Variants in AFG2A observed in about 807,000 individuals in gnomAD.
The protein encoded by AFG2A is AAA ATPase AFG2A, also known as ATPase family gene 2 protein homolog A.
the AFG2A span, among the ~76,000 whole-genome samples, chr4:122,936,837 A>G: frequency 6.6e-6 from 1 of 151,982 alleles, no homozygotes; most frequent in Admixed American, 6.6e-5. Flanking sequence ...AAAATTAGCC[A>G]GGTGTGGTGG....
chr4:123,069,294 C>G, the AFG2A span, among the ~76,000 whole-genome samples: 1 of 152,154 alleles, frequency 6.6e-6, no homozygotes, highest in Non-Finnish European at 1.5e-5. Flanking sequence ...TTCAGTCACA[C>G]TTATTTTATT....
At chr4:123,028,454 C>A in the AFG2A span, 1 of 1,403,706 alleles carries the variant, frequency 7.1e-7, no homozygotes, top group South Asian at 1.2e-5. Flanking sequence ...CCCCCATTCT[C>A]TGACTCCTAC....
At chr4:123,007,911 T>G in the AFG2A span, among the ~76,000 whole-genome samples, 4 of 151,842 alleles carry the variant, frequency 2.6e-5, no homozygotes, top group Non-Finnish European at 5.9e-5. Context: ...TTCTCAAGGG[T>G]CATTGTCTTT....
chr4:123,229,622 G>A, the AFG2A span, among the ~76,000 whole-genome samples: 1 of 151,910 alleles, frequency 6.6e-6, no homozygotes, highest in South Asian at 2.1e-4. Flanking sequence ...TACAAAATTT[G>A]GCAATTTTGG....
the AFG2A span, chr4:123,318,981 A>G: frequency 6.6e-6 from 1 of 152,202 alleles, no homozygotes; most frequent in Non-Finnish European, 1.5e-5. Flanking sequence ...TCACATTGAC[A>G]TGTCTTTTTA....
At chr4:123,224,837 AG>A in the AFG2A span, among the ~76,000 whole-genome samples, 4 of 152,178 alleles carry the variant, frequency 2.6e-5, no homozygotes, top group African/African-American at 4.8e-5. Flanking sequence ...ACAGTGTAAA[AG>A]TGCTCCTATT....
At chr4:123,213,418 C>A in the AFG2A span, among the ~76,000 whole-genome samples, 16 of 152,108 alleles carry the variant, frequency 1.1e-4, no homozygotes, top group Non-Finnish European at 2.1e-4. Context: ...TGATTAAAAT[C>A]ATATGGTTAG....
At chr4:122,963,128 A>C in the AFG2A span, among the ~76,000 whole-genome samples, 2 of 152,186 alleles carry the variant, frequency 1.3e-5, no homozygotes, top group Admixed American at 1.3e-4. Context: ...TGGTGGGGCT[A>C]CCTCAATGAA....
the AFG2A span, among the ~76,000 whole-genome samples, chr4:123,015,960 G>A: frequency 5.7e-5 from 2 of 35,092 alleles, no homozygotes; most frequent in African/African-American, 1.1e-4. Context: ...CTCACCTCCC[G>A]GACGGGGCGG....
chr4:123,185,889 TA>T, the AFG2A span, among the ~76,000 whole-genome samples: 339 of 142,534 alleles, frequency 2.4e-3, no homozygotes, highest in Middle Eastern at 3.7e-3. Context: ...AGACTCCGTC[TA>T]AAAAAAAAAA....
chr4:123,315,862 C>T, the AFG2A span: 43 of 152,320 alleles, frequency 2.8e-4, no homozygotes, highest in Non-Finnish European at 5.1e-4. Flanking sequence ...ACTGCACCTT[C>T]AAACTCCTGG....
chr4:122,933,955 C>T, the AFG2A span: 1 of 1,017,148 alleles, frequency 9.8e-7, no homozygotes. Flanking sequence ...ATTAGGTCCT[C>T]AATTTTTTAT....
At chr4:123,256,883 A>G in the AFG2A span, 19 of 975,486 alleles carry the variant, frequency 1.9e-5, no homozygotes, top group Non-Finnish European at 1.9e-5. Flanking sequence ...TAATTCTGCA[A>G]CTTTTCTAGC....
the AFG2A span, chr4:123,256,167 A>G: frequency 6.2e-7 from 1 of 1,613,978 alleles, no homozygotes; most frequent in African/African-American, 1.3e-5. Flanking sequence ...ACCGACGCAT[A>G]CTCAGGAGCA....
chr4:123,248,688 A>G, the AFG2A span, among the ~76,000 whole-genome samples: 3 of 152,344 alleles, frequency 2.0e-5, no homozygotes, highest in South Asian at 6.2e-4. Flanking sequence ...GGGGGCAAGT[A>G]GAGAATTGCT....
the AFG2A span, among the ~76,000 whole-genome samples, chr4:123,237,692 A>G: frequency 6.6e-6 from 1 of 151,074 alleles, no homozygotes; most frequent in Non-Finnish European, 1.5e-5. Flanking sequence ...AAAAAAAAAA[A>G]AAAAAGGAGT....
At chr4:123,047,747 G>A in the AFG2A span, among the ~76,000 whole-genome samples, 23 of 151,272 alleles carry the variant, frequency 1.5e-4, no homozygotes, top group Non-Finnish European at 3.2e-4. Flanking sequence ...CTGTCACCCA[G>A]GCTGGAGTGC....
At chr4:123,232,847 A>C in the AFG2A span, among the ~76,000 whole-genome samples, 1 of 152,152 alleles carries the variant, frequency 6.6e-6, no homozygotes, top group Admixed American at 6.6e-5. Context: ...AGTTAGGCAA[A>C]ATATTTTAAA....
At chr4:123,098,044 T>C in the AFG2A span, among the ~76,000 whole-genome samples, 1 of 152,086 alleles carries the variant, frequency 6.6e-6, no homozygotes, top group African/African-American at 2.4e-5. Flanking sequence ...CTGTTACTCC[T>C]TTTGCACTAC....
Sources: gnomAD v4.1 joint callset for allele counts (sites outside exome capture counted in the v4.1 genomes callset) on GRCh38, gnomAD v4.1.1 for gene constraint, MANE v1.5 for transcripts, NCBI Gene and HGNC (gene_info 2026-07-23, HGNC 2026-07-21) for gene names.